Variants in DIAPH2 observed in about 807,000 individuals in gnomAD.
The protein encoded by DIAPH2 is protein diaphanous homolog 2.
In DIAPH2, 35 loss-of-function variants were observed where a neutral mutation model predicts 92.7. The observed-to-expected ratio is 0.38, with a 90% CI of 0.29 to 0.50. The LOEUF is 0.50. Ranked by LOEUF, DIAPH2 falls within the 20% of genes least tolerant of loss-of-function variation. The pLI is 0.94. For synonymous variants in DIAPH2, 301 were observed against 280.4 expected (o/e 1.07, Z -0.73); for missense variants, 701 against 819.5 (o/e 0.86, Z 1.77).
At chrX:97,336,533 G>A (rs2069063609) in intron 23 of DIAPH2, among the ~76,000 whole-genome samples, 1 of 110,062 alleles carries the variant, frequency 9.1e-6, no homozygotes, top group African/African-American at 3.3e-5. Flanking sequence ...ACAGTTGTGA[G>A]CCACAGCTCC....
chrX:97,473,698 C>A (rs968784253), intron 26 of DIAPH2, among the ~76,000 whole-genome samples: 1 of 112,244 alleles, frequency 8.9e-6, no homozygotes, highest in African/African-American at 3.2e-5. Flanking sequence ...TAGTGGCTCA[C>A]GCCTGTAATC....
chrX:96,796,448 G>A (rs1185809664), intron 4 of DIAPH2, among the ~76,000 whole-genome samples: 1 of 112,145 alleles, frequency 8.9e-6, no homozygotes, highest in African/African-American at 3.2e-5. Context: ...CCAAAGTGCT[G>A]GGATTACAGG....
At chrX:96,843,535 A>G (rs1358475188) in intron 4 of DIAPH2, among the ~76,000 whole-genome samples, 2 of 111,625 alleles carry the variant, frequency 1.8e-5, no homozygotes, top group African/African-American at 6.5e-5. Context: ...CATTGCTAGC[A>G]TAGGACTGTT....
intron 4 of DIAPH2, among the ~76,000 whole-genome samples, chrX:96,869,733 G>T (rs2065128084): frequency 9.0e-6 from 1 of 110,522 alleles, no homozygotes; most frequent in African/African-American, 3.3e-5. Flanking sequence ...GTTAACGAAA[G>T]TACTCACTAA....
rs995746157 is a variant in DIAPH2 at position 96,887,438 on chromosome X, G to T, written c.587+5720G>T. Among the ~76,000 whole-genome samples the T allele has an allele frequency of 3.1e-4, 34 of 111,135 alleles. No homozygotes were observed. The Admixed American group carries it at 3.3e-3, about 11-fold the overall frequency. ...CATACTATTGACTATTTTGGGCAGG[G>T]ACATTTAAGCCTGAGGAACCTGAAA... On this transcript the variant is annotated intron_variant, in intron 5 of 26. Coordinates refer to ENST00000324765, the MANE Select transcript of DIAPH2 (RefSeq NM_006729.5).
At chrX:96,970,317 A>T (rs1480379820) in intron 17 of DIAPH2, among the ~76,000 whole-genome samples, 2 of 110,365 alleles carry the variant, frequency 1.8e-5, no homozygotes, top group East Asian at 5.7e-4. Flanking sequence ...TGTCTGGTAG[A>T]CTTCAGCTGT....
chrX:96,802,191 G>A (rs964140920), intron 4 of DIAPH2, among the ~76,000 whole-genome samples: 3 of 111,969 alleles, frequency 2.7e-5, no homozygotes, highest in African/African-American at 9.7e-5. Context: ...TCACAGGCCT[G>A]AGTATAACTA....
rs202055477 is a variant in DIAPH2 at position 97,422,202 on chromosome X, TAC to T, written c.3146-7432_3146-7431del. ...CTTTCCATTTCAACATTTGTAAATT[TAC>T]ACACACACACACACAGTGCACATGT... On this transcript the variant is annotated intron_variant, in intron 25 of 26. Coordinates refer to ENST00000324765, the MANE Select transcript of DIAPH2 (RefSeq NM_006729.5). Among the ~76,000 whole-genome samples, 943 of 109,512 alleles carry T rather than the reference TAC, an allele frequency of 8.6e-3. 4 individuals are homozygous for T. Among genetic ancestry groups the T allele is most frequent in the Admixed American group, 0.03 (307 of 10,237 alleles).
chrX:96,771,561 A>G (rs568828804), intron 4 of DIAPH2, among the ~76,000 whole-genome samples: 7 of 111,648 alleles, frequency 6.3e-5, no homozygotes, highest in African/African-American at 2.3e-4. Flanking sequence ...TTTTGTTGTT[A>G]AGTAATATAG....
chrX:97,058,682 G>T (rs1200349332), intron 17 of DIAPH2, among the ~76,000 whole-genome samples: 1 of 110,364 alleles, frequency 9.1e-6, no homozygotes, highest in African/African-American at 3.3e-5. Context: ...TTAGGCTTTA[G>T]TTACACCTTG....
chrX:96,845,853 T>C (rs982896653), intron 4 of DIAPH2, among the ~76,000 whole-genome samples: 10 of 112,124 alleles, frequency 8.9e-5, no homozygotes, highest in Non-Finnish European at 1.5e-4. Context: ...TGATCTTGGC[T>C]CACTGCAACC....
chrX:97,426,754 A>G (rs2070069464), intron 25 of DIAPH2, among the ~76,000 whole-genome samples: 1 of 112,487 alleles, frequency 8.9e-6, no homozygotes, highest in Admixed American at 9.5e-5. Context: ...AGTGCCTGAA[A>G]TGTGGCTAAT....
intron 1 of DIAPH2, among the ~76,000 whole-genome samples, chrX:96,708,347 A>G (rs750098281): frequency 8.5e-5 from 9 of 106,097 alleles, no homozygotes; most frequent in African/African-American, 1.0e-4. Context: ...GGTTCAAGCA[A>G]TTCTCTGCCT....
At chrX:97,481,717 C>T (rs947805246) in intron 26 of DIAPH2, among the ~76,000 whole-genome samples, 3 of 111,274 alleles carry the variant, frequency 2.7e-5, no homozygotes, top group Non-Finnish European at 5.7e-5. Flanking sequence ...TGTATCTCTA[C>T]TCCCTACTGC....
chrX:97,467,946 CT>C (rs1358608337), intron 26 of DIAPH2, among the ~76,000 whole-genome samples: 2 of 111,630 alleles, frequency 1.8e-5, no homozygotes, highest in African/African-American at 3.3e-5. Flanking sequence ...ATCACTGGGG[CT>C]TAGGAGATGA....
chrX:96,884,958 A>G lies in DIAPH2; in HGVS notation c.587+3240A>G, dbSNP rs752054292. 1.7e-5 allele frequency: 20 copies of G among 1,209,195 alleles called. No homozygotes were observed. The East Asian group carries it at 5.9e-4, about 36-fold the overall frequency. On this transcript the variant is annotated intron_variant, in intron 5 of 26. Coordinates refer to ENST00000324765, the MANE Select transcript of DIAPH2 (RefSeq NM_006729.5). ...TGATTCATGAGTGTCCTCATCAGGA[A>G]GGGAAGAGCATCCATGAGCTCCGGG...
chrX:97,168,566 GA>G lies in DIAPH2; in HGVS notation c.2719+26779del, dbSNP rs1158815447. On this transcript the variant is annotated intron_variant, in intron 22 of 26. Coordinates refer to ENST00000324765, the MANE Select transcript of DIAPH2 (RefSeq NM_006729.5). The stretch of plus-strand genomic sequence containing the variant: ...TTCTAGGTAGTGTGGATATGGCAGT[GA>G]AAAAAATACATTTAAAAAAAAACCC... 2.7e-5 allele frequency among the ~76,000 whole-genome samples: 3 copies of G among 110,791 alleles called. No individual in the cohort carries two copies. In the Admixed American group the frequency reaches 2.9e-4, roughly 11 times the overall value.
At chrX:97,415,179 C>T (rs919636338) in intron 25 of DIAPH2, among the ~76,000 whole-genome samples, 13 of 111,925 alleles carry the variant, frequency 1.2e-4, no homozygotes, top group Non-Finnish European at 1.3e-4. Context: ...GTTAGAATGG[C>T]GATCATTAAA....
At chrX:97,069,795 A>T (rs956304048) in intron 17 of DIAPH2, among the ~76,000 whole-genome samples, 1 of 112,434 alleles carries the variant, frequency 8.9e-6, no homozygotes, top group South Asian at 3.7e-4. Flanking sequence ...TACTTGCTAC[A>T]AATTATAATA....
Sources: gnomAD v4.1 joint callset for allele counts (sites outside exome capture counted in the v4.1 genomes callset) on GRCh38, gnomAD v4.1.1 for gene constraint, MANE v1.5 for transcripts, NCBI Gene and HGNC (gene_info 2026-07-23, HGNC 2026-07-21) for gene names.